Variants in GPC5 observed in about 807,000 individuals in gnomAD.
The protein encoded by GPC5 is glypican-5.
GPC5 carries 47 observed loss-of-function variants against 53.9 expected under a neutral mutation model. The ratio of observed to expected loss-of-function variants is 0.87; its 90% CI spans 0.69 to 1.11. The LOEUF is 1.11. Ranked by LOEUF, GPC5 falls within the 50% of genes most tolerant of loss-of-function variation. The pLI, the probability that GPC5 is intolerant of heterozygous loss-of-function variation, is 0.00. For missense variants in GPC5, 748 were observed against 713.1 expected (o/e 1.05, Z -0.56); for synonymous variants, 286 against 263.3 (o/e 1.09, Z -0.84).
chr13:92,281,324 G>T (rs948863414), intron 7 of GPC5, among the ~76,000 whole-genome samples: 1 of 152,208 alleles, frequency 6.6e-6, no homozygotes, highest in Non-Finnish European at 1.5e-5. Context: ...TCTGGGGGCA[G>T]GGCATAGCAG....
rs953848124 is a variant in GPC5 at position 92,739,319 on chromosome 13, T to A, written c.1562-126963T>A. 2.0e-5 allele frequency among the ~76,000 whole-genome samples: 3 copies of A among 152,004 alleles called. 1 individual carries two copies. The highest frequency in any genetic ancestry group is 1.3e-4 in the Admixed American group (2 of 15,222). On this transcript the variant is annotated intron_variant, in intron 7 of 7. Transcript: ENST00000377067. ...AAAATTAGAAATAAATTCAATTCGA[T>A]AAGGATAAACAAACATTGACCTAAA... is the stretch of plus-strand genomic sequence containing the variant.
chr13:91,566,852 C>T (rs2031554158), intron 2 of GPC5, among the ~76,000 whole-genome samples: 1 of 151,288 alleles, frequency 6.6e-6, no homozygotes, highest in Admixed American at 6.6e-5. Flanking sequence ...GATTAGTCAA[C>T]CAAAATGTTG....
At chr13:92,540,264 CTCT>C (rs1166580517) in intron 7 of GPC5, among the ~76,000 whole-genome samples, 10 of 151,956 alleles carry the variant, frequency 6.6e-5, no homozygotes, top group Admixed American at 3.9e-4. Context: ...CAGTGCTTTT[CTCT>C]TCTTCTTTCA....
At chr13:91,792,770 T>A (rs1037663616) in intron 5 of GPC5, among the ~76,000 whole-genome samples, 1 of 152,184 alleles carries the variant, frequency 6.6e-6, no homozygotes, top group Non-Finnish European at 1.5e-5. Flanking sequence ...TGGCTTCGAA[T>A]GAATTCTTCG....
intron 7 of GPC5, among the ~76,000 whole-genome samples, chr13:92,473,464 C>G (rs1878985807): frequency 6.6e-6 from 1 of 152,112 alleles, no homozygotes; most frequent in South Asian, 2.1e-4. Flanking sequence ...GACTAATGGT[C>G]TGGTGTGCTG....
intron 7 of GPC5, among the ~76,000 whole-genome samples, chr13:92,404,480 C>T (rs975285240): frequency 1.3e-5 from 2 of 152,164 alleles, no homozygotes; most frequent in Non-Finnish European, 1.5e-5. Context: ...GATAATTGAA[C>T]TCTGTATCCA....
intron 3 of GPC5, among the ~76,000 whole-genome samples, chr13:91,723,850 C>T (rs1247931560): frequency 2.0e-5 from 3 of 152,144 alleles, no homozygotes; most frequent in Non-Finnish European, 4.4e-5. Context: ...AAAATAAAAT[C>T]CAAATCTAAT....
chr13:91,522,207 C>T (rs527864855), intron 2 of GPC5, among the ~76,000 whole-genome samples: 1 of 152,224 alleles, frequency 6.6e-6, no homozygotes, highest in South Asian at 2.1e-4. Context: ...AAGCTTTAGC[C>T]CCTTTCCCCT....
intron 7 of GPC5, among the ~76,000 whole-genome samples, chr13:92,266,205 T>G (rs555783813): frequency 1.3e-5 from 2 of 152,174 alleles, no homozygotes; most frequent in African/African-American, 4.8e-5. Flanking sequence ...TCAACTTCTT[T>G]TTTCTTTATC....
At chr13:91,581,077 G>A (rs752363788) in intron 2 of GPC5, among the ~76,000 whole-genome samples, 7 of 152,114 alleles carry the variant, frequency 4.6e-5, no homozygotes, top group Non-Finnish European at 1.0e-4. Context: ...AGAACAGTAT[G>A]GGGGAAACTG....
At chr13:92,718,642 A>G (rs995099519) in intron 7 of GPC5, among the ~76,000 whole-genome samples, 1 of 152,080 alleles carries the variant, frequency 6.6e-6, no homozygotes, top group African/African-American at 2.4e-5. Flanking sequence ...TGCTATCACA[A>G]CAACAGGGTG....
chr13:92,667,891 C>T (rs1188265322), intron 7 of GPC5, among the ~76,000 whole-genome samples: 4 of 152,110 alleles, frequency 2.6e-5, no homozygotes, highest in African/African-American at 4.8e-5. Context: ...GGCATATTTT[C>T]TAGGGATTTC....
intron 7 of GPC5, among the ~76,000 whole-genome samples, chr13:92,369,860 A>G (rs2043636219): frequency 6.6e-6 from 1 of 152,260 alleles, no homozygotes; most frequent in African/African-American, 2.4e-5. Flanking sequence ...ACAAGAATTT[A>G]CTATCTACTT....
chr13:92,683,288 CCAGA>C (rs556200421), intron 7 of GPC5, among the ~76,000 whole-genome samples: 124 of 152,236 alleles, frequency 8.1e-4, no homozygotes, highest in African/African-American at 2.7e-3. Context: ...AAAGGGTTTG[CCAGA>C]CAGTCTGTTC....
At chr13:92,507,839 T>C (rs192594245) in intron 7 of GPC5, among the ~76,000 whole-genome samples, 54 of 150,812 alleles carry the variant, frequency 3.6e-4, no homozygotes, top group African/African-American at 1.1e-3. Context: ...GTTTACCTTA[T>C]TTTTTTTTGC....
chr13:92,071,385 A>G (rs1658358148), intron 6 of GPC5, among the ~76,000 whole-genome samples: 1 of 152,202 alleles, frequency 6.6e-6, no homozygotes, highest in Admixed American at 6.5e-5. Context: ...AAGTTCAGAT[A>G]AACTATTCAT....
At position 92,519,284 on chromosome 13, in the gene GPC5, G is replaced by GA. The variant is rs1404951919; in HGVS notation, c.1562-346997dup. On this transcript the variant is annotated intron_variant, in intron 7 of 7. Coordinates refer to ENST00000377067, the MANE Select transcript of GPC5 (RefSeq NM_004466.6). ...AGCTCTGAACCAAGCAGACCTAATA[G>GA]ACATCTACAGAACTCTCCACCCCAA... 3.3e-5 allele frequency among the ~76,000 whole-genome samples: 5 copies of GA among 152,144 alleles called. No individual in the cohort carries two copies. The East Asian group carries it at 7.7e-4, about 23-fold the overall frequency.
intron 7 of GPC5, among the ~76,000 whole-genome samples, chr13:92,722,485 A>G (rs1157001275): frequency 6.6e-6 from 1 of 151,934 alleles, no homozygotes; most frequent in Admixed American, 6.6e-5. Context: ...AAATTTCCAG[A>G]GAACTTTATG....
At chr13:91,660,932 C>T (rs1301756910) in intron 2 of GPC5, among the ~76,000 whole-genome samples, 1 of 152,146 alleles carries the variant, frequency 6.6e-6, no homozygotes, top group Non-Finnish European at 1.5e-5. Flanking sequence ...CTACTATGTA[C>T]AAGGCAATGT....
Sources: gnomAD v4.1 joint callset for allele counts (sites outside exome capture counted in the v4.1 genomes callset) on GRCh38, gnomAD v4.1.1 for gene constraint, MANE v1.5 for transcripts, NCBI Gene and HGNC (gene_info 2026-07-23, HGNC 2026-07-21) for gene names.